Variants in CELA3B observed in about 807,000 individuals in gnomAD.
CELA3B encodes the protein chymotrypsin like elastase 3B.
In CELA3B, 34 loss-of-function variants were observed where a neutral mutation model predicts 37.2. The observed-to-expected ratio is 0.91, with a 90% CI of 0.70 to 1.22. The LOEUF is 1.22. CELA3B is among the 50% of genes most tolerant of loss of function. CELA3B has a pLI of 0.00. For missense variants in CELA3B, 340 were observed against 363.1 expected, an observed-to-expected ratio of 0.94 and a Z score of 0.52; for synonymous variants, 127 against 143.5, an observed-to-expected ratio of 0.89 and a Z score of 0.82.
chr1:21,986,628 G>A lies in CELA3B; in HGVS notation c.740G>A (p.Arg247His), dbSNP rs887057466. The A allele has an allele frequency of 2.0e-5, 32 of 1,613,438 alleles. No homozygotes were observed. Among genetic ancestry groups the A allele is most frequent in the Non-Finnish European group, 2.6e-5 (31 of 1,179,626 alleles). Residue 247 changes from arginine to histidine, a missense_variant, in exon 7 of 8, where the codon CGC becomes CAC. By Grantham distance (29) the Arg-to-His change is conservative. Coordinates refer to ENST00000337107, the MANE Select transcript of CELA3B (RefSeq NM_007352.4). Reference sequence around the variant, plus strand: ...GTTTCTGCCTTTGGCTGCAACACCCGCAGGAAGCCCACGGTGTTCACTCGA... The same window carrying A: ...GTTTCTGCCTTTGGCTGCAACACCCACAGGAAGCCCACGGTGTTCACTCGA... Reference protein sequence around the residue: ...SFVSAFGCNTRRKPTVFTRVS... With the variant: ...SFVSAFGCNTHRKPTVFTRVS...
chr1:21,978,619 C>T (rs1644785724), intron 2 of CELA3B, among the ~76,000 whole-genome samples, 165 bp downstream of exon 2: 1 of 152,220 alleles, frequency 6.6e-6, no homozygotes, highest in Non-Finnish European at 1.5e-5. Context: ...AGGTTTTGCC[C>T]ATTCCGTCTG....
chr1:21,994,841 A>G (rs1239159179), intron 4 of CELA3B, among the ~76,000 whole-genome samples: 1 of 150,126 alleles, frequency 6.7e-6, no homozygotes, highest in Non-Finnish European at 1.5e-5. Context: ...CTCTACAAAA[A>G]ATATTTTAAA....
Position 21,984,338 on chromosome 1 carries a change from C to T in CELA3B, c.642+7C>T. The T allele has an allele frequency of 6.2e-7, 1 of 1,611,460 alleles. No individual in the cohort carries two copies. The highest frequency in any genetic ancestry group is 8.5e-7 in the Non-Finnish European group (1 of 1,178,920). On this transcript the variant is annotated splice_region_variant and intron_variant, in intron 6 of 7. Transcript: ENST00000337107. ...CATCCGCTCCGGCTGCAATGTGAGT[C>T]AGCTCTTACCTGCCCGAGGTGGTGC...
chr1:21,977,349 T>C (rs1264735200), intron 1 of CELA3B, among the ~76,000 whole-genome samples: 3 of 152,076 alleles, frequency 2.0e-5, no homozygotes, highest in Non-Finnish European at 2.9e-5. Context: ...GGTTAAGAGT[T>C]TGGGCTGTGT....
At position 21,984,174 on chromosome 1, in the gene CELA3B, T is replaced by C. The variant is rs370930407; in HGVS notation, c.500-15T>C. 5 of 1,610,618 alleles carry C rather than the reference T, an allele frequency of 3.1e-6. No individual in the cohort carries two copies. In the South Asian group the frequency reaches 4.4e-5, roughly 14 times the overall value. On this transcript the variant is annotated splice_polypyrimidine_tract_variant and intron_variant, in intron 5 of 7. Coordinates refer to ENST00000337107, the MANE Select transcript of CELA3B (RefSeq NM_007352.4). ...TGCCCCCAGACCCCTGACTCGGTGC[T>C]TTTTATCGCTGCAGCCAACGGGCCA... is the stretch of plus-strand genomic sequence containing the variant.
At chr1:21,978,343 A>AT in intron 1 of CELA3B, 26 bp from the exon 2 acceptor site, 1 of 1,613,706 alleles carries the variant, frequency 6.2e-7, no homozygotes. Flanking sequence ...CCTCCCGCTG[A>AT]TTGACAGCTC....
At chr1:21,992,140 G>A (rs1156537338), downstream of CELA3B, among the ~76,000 whole-genome samples, 4 of 150,966 alleles carry the variant, frequency 2.6e-5, no homozygotes, top group Non-Finnish European at 4.4e-5. Flanking sequence ...AGAAGGAGCT[G>A]TAAATATTAA....
At chr1:21,998,519 T>G (rs144632732) in exon 5 of CELA3B, 2 of 198,506 alleles carry the variant, frequency 1.0e-5, no homozygotes, top group East Asian at 2.2e-4. Flanking sequence ...ACCCTCCAGG[T>G]GCATCCTGCA....
downstream of CELA3B, among the ~76,000 whole-genome samples, chr1:21,993,108 A>C (rs1236181824): frequency 3.3e-5 from 5 of 151,418 alleles, no homozygotes; most frequent in South Asian, 4.1e-4. Flanking sequence ...TTCCGCACTA[A>C]AATACCAAGG....
intron 4 of CELA3B, among the ~76,000 whole-genome samples, chr1:21,981,937 G>A (rs1039829001): frequency 1.3e-5 from 2 of 151,990 alleles, no homozygotes; most frequent in African/African-American, 2.4e-5. Context: ...GTGTTAGCCA[G>A]GATGATCTCG....
In CELA3B at chr1:21,987,439, G is replaced by A. The variant is rs182101864; in HGVS notation, c.795+756G>A. The A allele has an allele frequency of 7.9e-3, 994 of 126,108 alleles. 7 individuals are homozygous for A. Among genetic ancestry groups the A allele is most frequent in the Non-Finnish European group, 0.012 (747 of 60,880 alleles). The allele number at this position is 126,108 out of a possible 1,614,324, so 7.8% of individuals were successfully genotyped here. On this transcript the variant is annotated intron_variant, in intron 7 of 7. Coordinates refer to ENST00000337107, the MANE Select transcript of CELA3B (RefSeq NM_007352.4). Reference sequence around the variant, plus strand: ...TGCACTGCAGCCTAGGTGACAGAGCGAGACTCCGTCTCAAAAAAAAAAAAA... The same window carrying A: ...TGCACTGCAGCCTAGGTGACAGAGCAAGACTCCGTCTCAAAAAAAAAAAAA...
intron 6 of CELA3B, among the ~76,000 whole-genome samples, chr1:21,985,860 C>T (rs532406632): frequency 1.3e-5 from 2 of 151,890 alleles, no homozygotes; most frequent in Admixed American, 1.3e-4. Context: ...CCCTGCACTC[C>T]AACCTGGGCG....
chr1:21,988,484 G>A (rs994940020), intron 7 of CELA3B, among the ~76,000 whole-genome samples: 1 of 150,972 alleles, frequency 6.6e-6, no homozygotes, highest in Non-Finnish European at 1.5e-5. Context: ...TCAGCTACTT[G>A]GGAGGCTGAG....
At chr1:21,983,543 A>ATAG (rs1418912355) in intron 4 of CELA3B, 151 bp from the exon 5 acceptor site, 67 of 1,322,244 alleles carry the variant, frequency 5.1e-5, no homozygotes, top group Admixed American at 2.6e-4. Flanking sequence ...TGTCTCAATA[A>ATAG]TAATAATGAT....
chr1:21,985,156 G>A (rs1178350004), intron 6 of CELA3B, among the ~76,000 whole-genome samples: 3 of 152,020 alleles, frequency 2.0e-5, no homozygotes, highest in Non-Finnish European at 2.9e-5. Context: ...GGTGGCACTC[G>A]CCTGTAGTCC....
downstream of CELA3B, among the ~76,000 whole-genome samples, chr1:21,992,277 C>T (rs1325921476): frequency 6.6e-6 from 1 of 151,646 alleles, no homozygotes; most frequent in African/African-American, 2.4e-5. Context: ...CCTATAGTCC[C>T]CGCTACTCAG....
At chr1:21,985,327 C>G (rs1279285033) in intron 6 of CELA3B, among the ~76,000 whole-genome samples, 24 of 148,698 alleles carry the variant, frequency 1.6e-4, no homozygotes, top group Admixed American at 8.1e-4. Context: ...GCCCAGGCTG[C>G]AGTGCAGTAA....
In CELA3B at chr1:21,989,080, A is replaced by AC. The variant is rs551676180; in HGVS notation, c.796-175dup. On this transcript the variant is annotated intron_variant, in intron 7 of 7. Transcript: ENST00000337107. ...ACCTTAGTTAACAATTTAATCAAGA[A>AC]CCCCCCCATGAGGTAAGTTCTATCA... is the stretch of plus-strand genomic sequence containing the variant. 3.4e-4 allele frequency among the ~76,000 whole-genome samples: 51 copies of AC among 151,828 alleles called. 2 individuals are homozygous for AC. The highest frequency in any genetic ancestry group is 1.1e-3 in the African/African-American group (45 of 41,258).
intron 4 of CELA3B, among the ~76,000 whole-genome samples, chr1:21,997,698 A>C (rs1356653065): frequency 6.6e-6 from 1 of 151,364 alleles, no homozygotes; most frequent in African/African-American, 2.4e-5. Context: ...TCCAAAAAAA[A>C]AAAAAAATTA....
Sources: gnomAD v4.1 joint callset for allele counts (sites outside exome capture counted in the v4.1 genomes callset) on GRCh38, gnomAD v4.1.1 for gene constraint, MANE v1.5 for transcripts, NCBI Gene and HGNC (gene_info 2026-07-23, HGNC 2026-07-21) for gene names.